Variants in ADGRV1 observed in about 807,000 individuals in gnomAD.
The protein encoded by ADGRV1 is G-protein coupled receptor 98.
A neutral mutation model predicts 596.2 loss-of-function variants in ADGRV1; 359 were observed. That is an observed-to-expected ratio of 0.60 (90% confidence interval 0.55 to 0.66). The LOEUF is 0.66. Among genes scored for constraint, ADGRV1 ranks in the 30% least tolerant of loss-of-function variants. The probability of loss-of-function intolerance (pLI) is 0.00; values close to 1 mark genes in which losing one functional copy is unlikely to be tolerated. For synonymous variants in ADGRV1, 2,681 were observed against 2,679.2 expected (o/e 1.00, Z -0.02); for missense variants, 7,274 against 7,575.6 (o/e 0.96, Z 1.48).
intron 85 of ADGRV1, among the ~76,000 whole-genome samples, chr5:91,055,099 A>T (rs531712754): frequency 4.6e-4 from 70 of 152,194 alleles, no homozygotes; most frequent in Non-Finnish European, 7.3e-4. Context: ...CTTTCAAATG[A>T]CTGAGCACCA....
At chr5:90,687,855 C>A (rs1189293527) in intron 29 of ADGRV1, among the ~76,000 whole-genome samples, 1 of 152,040 alleles carries the variant, frequency 6.6e-6, no homozygotes, top group Non-Finnish European at 1.5e-5. Flanking sequence ...ACGTGAAGGA[C>A]CTCTTCAAGG....
chr5:90,698,273 G>A (rs376067053), intron 34 of ADGRV1, among the ~76,000 whole-genome samples: 2 of 152,086 alleles, frequency 1.3e-5, no homozygotes, highest in South Asian at 2.1e-4. Flanking sequence ...TAACACTTAC[G>A]GAGTGTTTTC....
At chr5:91,130,751 A>G (rs1197223482) in intron 87 of ADGRV1, among the ~76,000 whole-genome samples, 4 of 152,140 alleles carry the variant, frequency 2.6e-5, no homozygotes, top group Non-Finnish European at 2.9e-5. Context: ...ATAGTGCCCT[A>G]TAAGTAGTTT....
At chr5:90,871,960 G>A (rs1382509842) in intron 83 of ADGRV1, among the ~76,000 whole-genome samples, 3 of 152,310 alleles carry the variant, frequency 2.0e-5, no homozygotes, top group Admixed American at 2.0e-4. Context: ...CACAAGATCC[G>A]AGGAAGGAGA....
Position 90,847,963 on chromosome 5 carries a change from C to T in ADGRV1, c.17020-674C>T, listed in dbSNP as rs145086635. 4.4e-4 allele frequency among the ~76,000 whole-genome samples: 67 copies of T among 152,274 alleles called. No individual in the cohort carries two copies. The East Asian group carries it at 4.8e-3, about 11-fold the overall frequency. ...GCGCGGCCAGAGTGGGCACCAAGGC[C>T]GAGGAGGCACCGAGAGTGAGCGAGG... is the stretch of plus-strand genomic sequence containing the variant. On this transcript the variant is annotated intron_variant, in intron 78 of 89. Coordinates refer to ENST00000405460, the MANE Select transcript of ADGRV1 (RefSeq NM_032119.4).
intron 83 of ADGRV1, among the ~76,000 whole-genome samples, chr5:90,878,376 G>A (rs969491409): frequency 2.0e-5 from 3 of 152,180 alleles, no homozygotes; most frequent in African/African-American, 4.8e-5. Context: ...TGATGTCTGC[G>A]TCAGTGGTGG....
At chr5:91,077,439 G>A (rs1201660129) in intron 86 of ADGRV1, among the ~76,000 whole-genome samples, 3 of 152,158 alleles carry the variant, frequency 2.0e-5, no homozygotes, top group Non-Finnish European at 4.4e-5. Flanking sequence ...CCCTTACACC[G>A]TGTATTTTGA....
At chr5:91,154,836 C>T (rs1439190555) in intron 89 of ADGRV1, among the ~76,000 whole-genome samples, 1 of 152,194 alleles carries the variant, frequency 6.6e-6, no homozygotes, top group African/African-American at 2.4e-5. Context: ...GAGACTCACT[C>T]ACTATCATAA....
At chr5:90,559,063 C>T (rs1754454840) in intron 1 of ADGRV1, 146 bp downstream of exon 1, 6 of 587,640 alleles carry the variant, frequency 1.0e-5, no homozygotes, top group Non-Finnish European at 1.6e-5. Flanking sequence ...GGCGCGCACC[C>T]GGCGCCGCGG....
rs757560169 is a variant in ADGRV1, at chr5:90,716,496, G to T, written c.9214G>T (p.Gly3072Cys). ...AATTATTGTCCTTGCTAATGATGAC[G>T]GCCCTGGAGTTCTATCATTTAACAA... ...ALIIVLANDD[G>C]PGVLSFNNSE... Residue 3072 changes from glycine (G) to cysteine (C), a missense_variant, in exon 43 of 90, where the codon GGC becomes TGC. By Grantham distance (159) the Gly-to-Cys change is radical. This residue lies in a region of ADGRV1 where 3,643 missense variants were observed against 3,809.2 expected (regional missense o/e 0.96). Coordinates refer to ENST00000405460, the MANE Select transcript of ADGRV1 (RefSeq NM_032119.4). The T allele has an allele frequency of 6.3e-7, 1 of 1,592,170 alleles. No homozygotes were observed. Among genetic ancestry groups the T allele is most frequent in the South Asian group, 1.2e-5 (1 of 85,972 alleles).
At chr5:91,060,366 A>T (rs1176507522) in intron 85 of ADGRV1, among the ~76,000 whole-genome samples, 2 of 79,986 alleles carry the variant, frequency 2.5e-5, no homozygotes, top group African/African-American at 4.2e-5. Flanking sequence ...TGGCAATTTT[A>T]TATGTGTGTG....
chr5:91,163,046 T>C (rs1797085507), intron 89 of ADGRV1, among the ~76,000 whole-genome samples: 1 of 152,140 alleles, frequency 6.6e-6, no homozygotes, highest in African/African-American at 2.4e-5. Flanking sequence ...CATTGTTCTC[T>C]AGAAATATGA....
At chr5:90,811,944 T>G (rs1215229181) in intron 74 of ADGRV1, among the ~76,000 whole-genome samples, 1 of 150,240 alleles carries the variant, frequency 6.7e-6, no homozygotes, top group African/African-American at 2.4e-5. Context: ...TTTTTTTTTT[T>G]TGGAGATGGA....
At chr5:90,713,470 G>T (rs192880677) in intron 42 of ADGRV1, among the ~76,000 whole-genome samples, 1 of 152,008 alleles carries the variant, frequency 6.6e-6, no homozygotes, top group African/African-American at 2.4e-5. Context: ...TGTGTTGGTT[G>T]AGAATAGTCT....
intron 44 of ADGRV1, 36 bp downstream of exon 44, chr5:90,720,259 A>C: frequency 1.6e-6 from 2 of 1,270,038 alleles, no homozygotes; most frequent in Non-Finnish European, 2.1e-6. Flanking sequence ...TCACTTCTGA[A>C]GCTATAAGTA....
intron 50 of ADGRV1, among the ~76,000 whole-genome samples, chr5:90,740,167 C>T (rs7737712): frequency 0.012 from 1,848 of 152,102 alleles, 34 homozygotes; most frequent in African/African-American, 0.043. Context: ...TTGGATAATC[C>T]GTGGGTCTGG....
chr5:91,033,423 A>G (rs1023736729), intron 85 of ADGRV1, among the ~76,000 whole-genome samples: 5 of 152,118 alleles, frequency 3.3e-5, no homozygotes, highest in Non-Finnish European at 5.9e-5. Context: ...ATCTCTGTGA[A>G]TAGTGTGAAT....
rs751230430 is a variant in ADGRV1, at chr5:90,681,289, C to G, written c.5525-26C>G. 1.6e-5 allele frequency: 24 copies of G among 1,541,952 alleles called. No individual in the cohort carries two copies. The South Asian group carries it at 2.3e-4, about 15-fold the overall frequency. ...AATTACTGATCATCATTTTTTTTTTCTATTTGTTGGAACTTGTTCATGCAG... is the reference window on the plus strand; with the variant it reads ...AATTACTGATCATCATTTTTTTTTTGTATTTGTTGGAACTTGTTCATGCAG... On this transcript the variant is annotated intron_variant, in intron 26 of 89. Transcript: ENST00000405460.
rs921379773 is a variant in ADGRV1, at chr5:90,596,808, AGAGGGC to A, written c.23-18015_23-18010del. Reference sequence around the variant, plus strand: ...AGAGAGGGAGAGGGAGACCATGGGGAGAGGGCGAGGGCGAGGGAGAGGGCGAGGGAG... The same window carrying A: ...AGAGAGGGAGAGGGAGACCATGGGGAGAGGGCGAGGGAGAGGGCGAGGGAG... On this transcript the variant is annotated intron_variant, in intron 1 of 89. Transcript: ENST00000405460. 3.4e-4 allele frequency among the ~76,000 whole-genome samples: 52 copies of A among 151,634 alleles called. 1 individual carries two copies. Among genetic ancestry groups the A allele is most frequent in the African/African-American group, 1.1e-3 (46 of 41,244 alleles).
Sources: allele counts gnomAD v4.1 joint callset (sites outside exome capture counted in the v4.1 genomes callset), GRCh38; gene constraint gnomAD v4.1.1; regional missense constraint gnomAD v4.1.1; transcripts MANE v1.5; gene names NCBI Gene and HGNC (gene_info 2026-07-23, HGNC 2026-07-21).